PCDHGB7: variants seen among roughly 807,000 people sequenced by gnomAD.
The protein encoded by PCDHGB7 is protocadherin gamma-B7.
PCDHGB7 carries 37 observed loss-of-function variants against 61.4 expected under a neutral mutation model. The observed-to-expected ratio is 0.60, with a 90% confidence interval of 0.46 to 0.79. The LOEUF (loss-of-function observed/expected upper bound fraction) is 0.79, where lower values mean the gene tolerates loss of function less well. PCDHGB7 is among the 30% of genes least tolerant of loss of function. PCDHGB7 has a pLI of 0.00. For synonymous variants in PCDHGB7, 464 were observed against 503.5 expected (o/e 0.92, Z 1.05); for missense variants, 1,166 against 1,202.5 (o/e 0.97, Z 0.45).
chr5:141,494,937 G>C (rs759078748), intron 2 of PCDHGB7, 72 bp downstream of exon 2: 1 of 1,612,276 alleles, frequency 6.2e-7, no homozygotes, highest in African/African-American at 1.3e-5. Flanking sequence ...GAGGAGATGG[G>C]GGAGGGCCCA....
intron 1 of PCDHGB7, chr5:141,479,691 C>T (rs2099503603): frequency 6.6e-6 from 1 of 152,206 alleles, no homozygotes; most frequent in Non-Finnish European, 1.5e-5. Context: ...TTTGGTGCCT[C>T]CAGTGTTAGT....
At position 141,491,660 on chromosome 5, in the gene PCDHGB7, C is replaced by A; in HGVS notation, c.2416-3147C>A. ...ACAGCTCTGGCGCTGGAGCCTGACGCCATCCGGTCCCGCTCTAATACGCTG... is the reference window on the plus strand; with the variant it reads ...ACAGCTCTGGCGCTGGAGCCTGACGACATCCGGTCCCGCTCTAATACGCTG... On this transcript the variant is annotated intron_variant, in intron 1 of 3. Transcript: ENST00000398594. The surrounding 1 kb of genome is among the most constrained non-coding windows in gnomAD (Gnocchi z 6.9). The A allele has an allele frequency of 6.2e-7, 1 of 1,613,810 alleles. No individual in the cohort carries two copies. The highest frequency in any genetic ancestry group is 8.5e-7 in the Non-Finnish European group (1 of 1,180,008).
intron 2 of PCDHGB7, among the ~76,000 whole-genome samples, chr5:141,504,253 G>A (rs1036263329): frequency 6.6e-6 from 1 of 152,100 alleles, no homozygotes; most frequent in Non-Finnish European, 1.5e-5. Context: ...TTCTTCTTAT[G>A]GTTTAGTATT....
At position 141,485,133 on chromosome 5, in the gene PCDHGB7, C is replaced by A; in HGVS notation, c.2416-9674C>A. On this transcript the variant is annotated intron_variant, in intron 1 of 3. Transcript: ENST00000398594. The surrounding 1 kb of genome is among the most constrained non-coding windows in gnomAD (Gnocchi z 5.7). Reference sequence around the variant, plus strand: ...GCTGTTTGGGGCGGGTCGGCTTCATCCGCGTCTCAGGAGCAAGTAGAGAAT... The same window carrying A: ...GCTGTTTGGGGCGGGTCGGCTTCATACGCGTCTCAGGAGCAAGTAGAGAAT... The A allele has an allele frequency of 2.7e-6, 4 of 1,492,492 alleles. No homozygotes were observed. The highest frequency in any genetic ancestry group is 1.7e-5 in the Admixed American group (1 of 58,334). The allele number at this position is 1,492,492 out of a possible 1,614,324, so 92.5% of individuals were successfully genotyped here.
intron 1 of PCDHGB7, chr5:141,421,501 G>T: frequency 6.2e-7 from 1 of 1,614,094 alleles, no homozygotes; most frequent in Non-Finnish European, 8.5e-7. Context: ...AGGCAGGATA[G>T]ACCGGGAGGA....
At chr5:141,502,887 G>T (rs2099816882) in intron 2 of PCDHGB7, among the ~76,000 whole-genome samples, 1 of 40,910 alleles carries the variant, frequency 2.4e-5, no homozygotes, top group Non-Finnish European at 4.5e-5. Context: ...TTTTGACAGG[G>T]AGTCTAGCTC....
chr5:141,459,909 G>A (rs7446907), intron 1 of PCDHGB7, among the ~76,000 whole-genome samples: 42,418 of 152,010 alleles, frequency 0.28, 6,645 homozygotes, highest in African/African-American at 0.43. Flanking sequence ...TGAGCTATGG[G>A]AGTTTTAAAA....
In PCDHGB7 at chr5:141,491,410, G is replaced by T. The variant is rs777207581; in HGVS notation, c.2416-3397G>T. On this transcript the variant is annotated intron_variant, in intron 1 of 3. Transcript: ENST00000398594. The surrounding 1 kb of genome is among the most constrained non-coding windows in gnomAD (Gnocchi z 6.9). ...GTGCCTTCAGGGAAACGCAGACGGG[G>T]ACGGGGGTGGAGGGCAGTGCTGCAG... 28 of 1,614,142 alleles carry T rather than the reference G, an allele frequency of 1.7e-5. No individual in the cohort carries two copies. The highest frequency in any genetic ancestry group is 2.4e-5 in the Non-Finnish European group (28 of 1,180,034).
rs2097383894 is a variant in PCDHGB7, at chr5:141,431,489, C to T, written c.2415+11215C>T. On this transcript the variant is annotated intron_variant, in intron 1 of 3. Transcript: ENST00000398594. This position sits in a 1 kb window ranked among gnomAD's most constrained non-coding sequence, Gnocchi z 4.8. ...GAACGACAACGCACCAGCGTTTGCTCAGCCCGAGTACCGCGCGAGCGTTCC... is the reference window on the plus strand; with the variant it reads ...GAACGACAACGCACCAGCGTTTGCTTAGCCCGAGTACCGCGCGAGCGTTCC... The T allele has an allele frequency of 1.2e-6, 2 of 1,613,850 alleles. No homozygotes were observed. The highest frequency in any genetic ancestry group is 3.3e-5 in the Admixed American group (2 of 60,016).
intron 1 of PCDHGB7, chr5:141,426,908 G>C (rs1047101179): frequency 8.8e-6 from 4 of 456,612 alleles, no homozygotes; most frequent in African/African-American, 6.0e-5. Context: ...CTCATCTCCT[G>C]GTCCTGGAAG....
At position 141,511,237 on chromosome 5, in the gene PCDHGB7, TG is replaced by T; in HGVS notation, c.*65del. 1 of 1,590,378 alleles carries T rather than the reference TG, an allele frequency of 6.3e-7. No individual in the cohort carries two copies. Among genetic ancestry groups the T allele is most frequent in the Non-Finnish European group, 8.6e-7 (1 of 1,168,304 alleles). On this transcript the variant is annotated 3_prime_UTR_variant, in exon 4 of 4. Transcript: ENST00000398594. ...CCAACCAGCCCAGCTTCTCCTTACC[TG>T]CACCCAGGCCTCAGAGTTTCAGGGC...
chr5:141,445,621 G>A (rs1216813961), intron 1 of PCDHGB7, among the ~76,000 whole-genome samples: 4 of 151,996 alleles, frequency 2.6e-5, no homozygotes, highest in African/African-American at 7.2e-5. Flanking sequence ...TCTTTTTTTC[G>A]GAAAGTGATA....
chr5:141,494,185 GAC>G (rs2099752607), intron 1 of PCDHGB7, among the ~76,000 whole-genome samples: 1 of 152,154 alleles, frequency 6.6e-6, no homozygotes, highest in Non-Finnish European at 1.5e-5. Context: ...AGTGTCCCGG[GAC>G]TTGGATGCCC....
intron 1 of PCDHGB7, among the ~76,000 whole-genome samples, chr5:141,461,366 A>G (rs1186381077): frequency 6.6e-6 from 1 of 151,964 alleles, no homozygotes; most frequent in Non-Finnish European, 1.5e-5. Flanking sequence ...TTGTGGTTTT[A>G]ATTTGCATTT....
intron 1 of PCDHGB7, chr5:141,421,420 G>A: frequency 6.2e-7 from 1 of 1,614,084 alleles, no homozygotes; most frequent in Admixed American, 1.7e-5. Context: ...GAAGCGCGGA[G>A]TCCGCATCGT....
Position 141,418,045 on chromosome 5 carries a change from G to C in PCDHGB7, c.186G>C (p.Ser62=), listed in dbSNP as rs754041387. The change falls in exon 1 of 4, where the codon TCG becomes TCC. Residue 62 remains serine (S), a synonymous_variant. Transcript: ENST00000398594. Reference sequence around the variant, plus strand: ...TAGGGCTTAGTGTCCTGGATGTGTCGGCTCGCGAGCTGCGAGTGAGCGCGG... The same window carrying C: ...TAGGGCTTAGTGTCCTGGATGTGTCCGCTCGCGAGCTGCGAGTGAGCGCGG... The part of the protein sequence containing the change: ...KDLGLSVLDV[S]ARELRVSAEK... 2 of 1,614,002 alleles carry C rather than the reference G, an allele frequency of 1.2e-6. No individual in the cohort carries two copies. The highest frequency in any genetic ancestry group is 1.7e-5 in the Admixed American group (1 of 60,030).
chr5:141,421,457 C>T (rs377073702), intron 1 of PCDHGB7: 9 of 1,614,014 alleles, frequency 5.6e-6, no homozygotes, highest in African/African-American at 2.7e-5. Flanking sequence ...CAGCTTTTCG[C>T]TGTGAATCCG....
chr5:141,430,897 C>T, intron 1 of PCDHGB7: 1 of 1,605,442 alleles, frequency 6.2e-7, no homozygotes, highest in Non-Finnish European at 8.5e-7. Context: ...CTAGGGTGGG[C>T]GACATCTCCA....
At chr5:141,447,182 C>G (rs1205769161) in intron 1 of PCDHGB7, among the ~76,000 whole-genome samples, 1 of 152,126 alleles carries the variant, frequency 6.6e-6, no homozygotes, top group Non-Finnish European at 1.5e-5. Flanking sequence ...TCTTGTCGCG[C>G]AGGCTGGAGT....
Sources: allele counts gnomAD v4.1 joint callset (sites outside exome capture counted in the v4.1 genomes callset), GRCh38; gene constraint gnomAD v4.1.1; non-coding constraint Gnocchi (gnomAD v3.1); transcripts MANE v1.5; gene names NCBI Gene and HGNC (gene_info 2026-07-23, HGNC 2026-07-21).